Variants in GPC5 observed in about 807,000 individuals in gnomAD.
The protein encoded by GPC5 is glypican 5.
GPC5 carries 47 observed loss-of-function variants against 53.9 expected under a neutral mutation model. The observed-to-expected ratio is 0.87, with a 90% confidence interval of 0.69 to 1.11. The LOEUF is 1.11. Among genes scored for constraint, GPC5 ranks in the 50% most tolerant of loss-of-function variants. The pLI, the probability that GPC5 is intolerant of heterozygous loss-of-function variation, is 0.00. For synonymous variants in GPC5, 286 were observed against 263.3 expected, an observed-to-expected ratio of 1.09 and a Z score of -0.84; for missense variants, 748 against 713.1, an observed-to-expected ratio of 1.05 and a Z score of -0.56.
At chr13:91,743,035 G>T (rs575127776) in intron 4 of GPC5, among the ~76,000 whole-genome samples, 1 of 152,030 alleles carries the variant, frequency 6.6e-6, no homozygotes, top group African/African-American at 2.4e-5. Flanking sequence ...AATTATTACC[G>T]TGGGCCTATC....
intron 7 of GPC5, among the ~76,000 whole-genome samples, chr13:92,298,173 C>T (rs1350416124): frequency 6.6e-6 from 1 of 152,116 alleles, no homozygotes; most frequent in Admixed American, 6.6e-5. Flanking sequence ...CCTGCCGTGC[C>T]CCCTCGCCCA....
Position 92,666,882 on chromosome 13 carries a change from C to T in GPC5, c.1562-199400C>T, listed in dbSNP as rs573353413. Among the ~76,000 whole-genome samples, 257 of 152,260 alleles carry T rather than the reference C, an allele frequency of 1.7e-3. 2 individuals are homozygous for T. The highest frequency in any genetic ancestry group is 5.8e-3 in the African/African-American group (241 of 41,548). ...TTTCCAAGAGGAGCTATATTGTGGA[C>T]CTTATATTCCCCTCATAGTTGCTTC... On this transcript the variant is annotated intron_variant, in intron 7 of 7. Coordinates refer to ENST00000377067, the MANE Select transcript of GPC5 (RefSeq NM_004466.6).
At chr13:91,727,521 T>G (rs1340292974) in intron 3 of GPC5, among the ~76,000 whole-genome samples, 1 of 152,200 alleles carries the variant, frequency 6.6e-6, no homozygotes, top group Non-Finnish European at 1.5e-5. Context: ...ATATATGTGC[T>G]TTGCAAATAC....
intron 5 of GPC5, among the ~76,000 whole-genome samples, chr13:91,904,565 C>G (rs1215511161): frequency 1.3e-5 from 2 of 151,854 alleles, no homozygotes; most frequent in Admixed American, 6.6e-5. Flanking sequence ...TTGAGTAACT[C>G]AAGTTACTTA....
intron 7 of GPC5, among the ~76,000 whole-genome samples, chr13:92,692,345 A>C (rs949803442): frequency 2.0e-5 from 3 of 152,100 alleles, no homozygotes; most frequent in African/African-American, 7.2e-5. Flanking sequence ...ATACAGGTGC[A>C]AATGTCTTTT....
chr13:91,833,738 G>A (rs1252008838), intron 5 of GPC5, among the ~76,000 whole-genome samples: 2 of 151,938 alleles, frequency 1.3e-5, no homozygotes, highest in African/African-American at 2.4e-5. Context: ...TTGATGGAAC[G>A]TATCCCAAAA....
intron 5 of GPC5, among the ~76,000 whole-genome samples, chr13:91,803,022 T>C (rs145584720): frequency 1.3e-5 from 2 of 152,292 alleles, no homozygotes; most frequent in East Asian, 3.9e-4. Context: ...GCTTCTTTCT[T>C]ACCAAGTAGA....
intron 6 of GPC5, among the ~76,000 whole-genome samples, chr13:92,099,025 G>A (rs1185133954): frequency 6.6e-6 from 1 of 150,852 alleles, no homozygotes; most frequent in Non-Finnish European, 1.5e-5. Context: ...TACAATCCTG[G>A]AGATCATTCT....
At chr13:92,558,386 G>A (rs763946592) in intron 7 of GPC5, among the ~76,000 whole-genome samples, 16 of 152,062 alleles carry the variant, frequency 1.1e-4, no homozygotes, top group Non-Finnish European at 1.8e-4. Context: ...TAGTTATTTT[G>A]TAATTTTTTT....
intron 7 of GPC5, among the ~76,000 whole-genome samples, chr13:92,750,486 A>C (rs1889356605): frequency 6.6e-6 from 1 of 152,176 alleles, no homozygotes; most frequent in Admixed American, 6.5e-5. Context: ...AAAGGAGAAA[A>C]TGAGAGGACA....
At chr13:91,923,470 G>A (rs1160240104) in intron 6 of GPC5, among the ~76,000 whole-genome samples, 1 of 152,032 alleles carries the variant, frequency 6.6e-6, no homozygotes, top group Non-Finnish European at 1.5e-5. Flanking sequence ...AGTTTCTATG[G>A]CATAGAATAT....
intron 6 of GPC5, among the ~76,000 whole-genome samples, chr13:92,057,039 G>A (rs139893305): frequency 1.1e-3 from 165 of 152,254 alleles, no homozygotes; most frequent in Admixed American, 2.4e-3. Flanking sequence ...TTGAGAGGTG[G>A]GGTCCATTGC....
At chr13:92,592,941 G>A (rs986426239) in intron 7 of GPC5, among the ~76,000 whole-genome samples, 11 of 151,208 alleles carry the variant, frequency 7.3e-5, no homozygotes, top group Admixed American at 3.3e-4. Flanking sequence ...AAGGAAAGGC[G>A]TTGAGATACT....
intron 2 of GPC5, among the ~76,000 whole-genome samples, chr13:91,634,897 C>A (rs1356788977): frequency 6.6e-6 from 1 of 152,028 alleles, no homozygotes; most frequent in Non-Finnish European, 1.5e-5. Flanking sequence ...ATTCTGGGGT[C>A]GCCAACATTT....
chr13:91,675,012 G>C (rs2035349462), intron 2 of GPC5, among the ~76,000 whole-genome samples: 1 of 151,536 alleles, frequency 6.6e-6, no homozygotes, highest in Non-Finnish European at 1.5e-5. Context: ...CTTGCCCTTT[G>C]CAATCAGAGA....
intron 6 of GPC5, among the ~76,000 whole-genome samples, chr13:92,017,901 C>T (rs972037976): frequency 2.6e-5 from 4 of 151,962 alleles, no homozygotes; most frequent in South Asian, 2.1e-4. Flanking sequence ...AAAATACACA[C>T]GTACACGTGC....
chr13:91,732,529 AG>A (rs1251458566), intron 4 of GPC5, among the ~76,000 whole-genome samples: 1 of 152,126 alleles, frequency 6.6e-6, no homozygotes, highest in African/African-American at 2.4e-5. Flanking sequence ...TAGTTTAATT[AG>A]ATCCCATTTG....
rs1421206705 is a variant in GPC5, at chr13:91,799,226, C to T, written c.1280+42806C>T. Among the ~76,000 whole-genome samples the T allele has an allele frequency of 2.0e-5, 3 of 152,130 alleles. No homozygotes were observed. The East Asian group carries it at 5.8e-4, about 29-fold the overall frequency. The stretch of plus-strand genomic sequence containing the variant: ...AGACATTATCCTAAACAAATTAAGG[C>T]AAGAACGGAAAATCAAATATTGCCT... On this transcript the variant is annotated intron_variant, in intron 5 of 7. Transcript: ENST00000377067.
intron 7 of GPC5, among the ~76,000 whole-genome samples, chr13:92,341,225 ACTTCTAGAGG>A (rs1385949835): frequency 6.6e-6 from 1 of 152,130 alleles, no homozygotes; most frequent in Non-Finnish European, 1.5e-5. Context: ...AATAAAAAGG[ACTTCTAGAGG>A]CTTTACTCTG....
Sources: allele counts gnomAD v4.1 joint callset (sites outside exome capture counted in the v4.1 genomes callset), GRCh38; gene constraint gnomAD v4.1.1; transcripts MANE v1.5; gene names NCBI Gene and HGNC (gene_info 2026-07-23, HGNC 2026-07-21).